The following PTPRN2 variants were observed in gnomAD, a reference collection of about 807,000 sequenced individuals.
The protein encoded by PTPRN2 is receptor-type tyrosine-protein phosphatase N2.
PTPRN2 carries 74 observed loss-of-function variants against 118.8 expected under a neutral mutation model. That is an observed-to-expected ratio of 0.62 (90% CI 0.52 to 0.76). PTPRN2 has a LOEUF of 0.76. Among genes scored for constraint, PTPRN2 ranks in the 30% least tolerant of loss-of-function variants. The pLI is 0.00. For synonymous variants in PTPRN2, 641 were observed against 608.0 expected (o/e 1.05, Z -0.80); for missense variants, 1,481 against 1,394.4 (o/e 1.06, Z -0.99).
chr7:157,630,474 G>A (rs1468189522), intron 14 of PTPRN2, among the ~76,000 whole-genome samples: 3 of 152,146 alleles, frequency 2.0e-5, no homozygotes, highest in East Asian at 1.9e-4. Context: ...GGAGTGAACC[G>A]GCTTCTTCAC....
chr7:158,415,477 C>T (rs1170242624), intron 2 of PTPRN2, among the ~76,000 whole-genome samples: 3 of 152,184 alleles, frequency 2.0e-5, no homozygotes, highest in African/African-American at 4.8e-5. Context: ...GGTGCCTGGG[C>T]CCCACCTCCA....
At position 157,733,351 on chromosome 7, in the gene PTPRN2, C is replaced by G. The variant is rs1242263600; in HGVS notation, c.1789-50414G>C. Among the ~76,000 whole-genome samples the G allele has an allele frequency of 5.8e-5, 4 of 69,500 alleles. 2 individuals are homozygous for G. The highest frequency in any genetic ancestry group is 1.4e-4 in the African/African-American group (2 of 13,990). 45.6% of individuals were successfully genotyped at this position (69,500 alleles called of 152,430 possible). ...AGTTACTCTTTTCCGTCCCATGCGC[C>G]CAGCACAGTTACTCTTTTCCGTCCC... On this transcript the variant is annotated intron_variant, in intron 12 of 22. Transcript: ENST00000389418.
chr7:157,942,898 G>A (rs1325855014), intron 11 of PTPRN2, among the ~76,000 whole-genome samples: 2 of 152,126 alleles, frequency 1.3e-5, no homozygotes, highest in East Asian at 3.9e-4. Context: ...TGGCCTAACT[G>A]GGCCCTGGGT....
chr7:157,994,512 AGC>A (rs1804506002), intron 11 of PTPRN2, among the ~76,000 whole-genome samples: 3 of 150,260 alleles, frequency 2.0e-5, no homozygotes, highest in Admixed American at 6.6e-5. Context: ...TCCTAAAATC[AGC>A]ACCGCATCCC....
At chr7:158,132,800 C>T (rs1054390745) in intron 9 of PTPRN2, among the ~76,000 whole-genome samples, 6 of 151,680 alleles carry the variant, frequency 4.0e-5, no homozygotes, top group African/African-American at 1.2e-4. Context: ...CACACACATG[C>T]GTATGCAGAT....
chr7:158,458,089 G>A (rs1338452571), intron 2 of PTPRN2, among the ~76,000 whole-genome samples: 1 of 152,138 alleles, frequency 6.6e-6, no homozygotes, highest in Non-Finnish European at 1.5e-5. Context: ...CAGTGCCCAG[G>A]GTTCCATTAT....
intron 2 of PTPRN2, among the ~76,000 whole-genome samples, chr7:158,323,385 C>G (rs1174156662): frequency 6.6e-6 from 1 of 152,180 alleles, no homozygotes; most frequent in Non-Finnish European, 1.5e-5. Flanking sequence ...ACTGTGCAGA[C>G]AGAAGGCTGG....
intron 10 of PTPRN2, among the ~76,000 whole-genome samples, chr7:158,100,067 T>C (rs1156895368): frequency 6.6e-6 from 1 of 151,964 alleles, no homozygotes; most frequent in Non-Finnish European, 1.5e-5. Flanking sequence ...AAAGTCCTTA[T>C]GTCATTCTTA....
chr7:157,638,833 T>A (rs950518908), intron 14 of PTPRN2, among the ~76,000 whole-genome samples: 1 of 152,150 alleles, frequency 6.6e-6, no homozygotes, highest in Admixed American at 6.5e-5. Flanking sequence ...CCTAAGGCCA[T>A]CAGCATTAGC....
At chr7:157,933,638 G>C (rs1799524829) in intron 11 of PTPRN2, among the ~76,000 whole-genome samples, 1 of 151,080 alleles carries the variant, frequency 6.6e-6, no homozygotes, top group South Asian at 2.1e-4. Context: ...CTGATTGACA[G>C]TTTTAGAGGA....
intron 2 of PTPRN2, among the ~76,000 whole-genome samples, chr7:158,446,358 C>T (rs1427191501): frequency 6.6e-6 from 1 of 152,246 alleles, no homozygotes; most frequent in Non-Finnish European, 1.5e-5. Flanking sequence ...ATTCCCAGGC[C>T]AGTATGAGGT....
chr7:158,205,341 TCA>T (rs1388791192), intron 3 of PTPRN2, 68 bp from the exon 4 acceptor site: 33 of 1,148,944 alleles, frequency 2.9e-5, no homozygotes, highest in Non-Finnish European at 3.8e-5. Flanking sequence ...TGCTTCAGTC[TCA>T]CAATTAGTTG....
rs187632011 is a variant in PTPRN2 at position 157,827,701 on chromosome 7, T to C, written c.1788+70972A>G. Among the ~76,000 whole-genome samples, 524 of 152,158 alleles carry C rather than the reference T, an allele frequency of 3.4e-3. 2 individuals carry two copies. Among genetic ancestry groups the C allele is most frequent in the Non-Finnish European group, 5.4e-3 (367 of 68,020 alleles). ...CCTTGAGCGAGGACTGAGGACCAGG[T>C]GCTGGGGTGCCTTGGAGGAGGGCGG... is the stretch of plus-strand genomic sequence containing the variant. On this transcript the variant is annotated intron_variant, in intron 12 of 22. Transcript: ENST00000389418.
chr7:157,658,200 T>C (rs1042209823), intron 13 of PTPRN2, among the ~76,000 whole-genome samples: 8 of 152,116 alleles, frequency 5.3e-5, no homozygotes, highest in African/African-American at 1.9e-4. Context: ...CGGGGGCGGT[T>C]TGCACTGTGG....
intron 2 of PTPRN2, among the ~76,000 whole-genome samples, chr7:158,407,245 C>T (rs1813603501): frequency 1.6e-5 from 1 of 62,290 alleles, no homozygotes; most frequent in Non-Finnish European, 3.3e-5. Flanking sequence ...GGTCCTGGGT[C>T]CTGCGTCCTG....
rs1029613749 is a variant in PTPRN2 at position 158,273,431 on chromosome 7, C to T, written c.277+43388G>A. ...AGCCGCAGACAGACGCGGGAGGAGC[C>T]GCAGACAGACGCGGGAGGAGCCGCA... On this transcript the variant is annotated intron_variant, in intron 3 of 22. Transcript: ENST00000389418. Among the ~76,000 whole-genome samples the T allele has an allele frequency of 1.3e-4, 19 of 147,214 alleles. 1 individual carries two copies. The highest frequency in any genetic ancestry group is 1.3e-3 in the South Asian group (6 of 4,672).
Position 157,725,353 on chromosome 7 carries a change from A to ATG in PTPRN2, c.1789-42417_1789-42416insCA, listed in dbSNP as rs1563042163. Among the ~76,000 whole-genome samples, 126 of 23,810 alleles carry ATG rather than the reference A, an allele frequency of 5.3e-3. 13 individuals carry two copies. Among genetic ancestry groups the ATG allele is most frequent in the African/African-American group, 0.026 (98 of 3,708 alleles). 15.6% of individuals were successfully genotyped at this position (23,810 alleles called of 152,430 possible). On this transcript the variant is annotated intron_variant, in intron 12 of 22. Coordinates refer to ENST00000389418, the MANE Select transcript of PTPRN2 (RefSeq NM_002847.5). ...TCCCAGGAGAACTGGATATCTACAC[A>ATG]CAGAGGAGTGTGGCCAGACCCTCGC...
chr7:158,520,915 C>A (rs764755722), intron 1 of PTPRN2, among the ~76,000 whole-genome samples: 2 of 152,158 alleles, frequency 1.3e-5, no homozygotes, highest in African/African-American at 2.4e-5. Context: ...CATGGATACG[C>A]TGGGCAAACC....
At chr7:158,240,511 C>A (rs955397395) in intron 3 of PTPRN2, among the ~76,000 whole-genome samples, 1 of 152,192 alleles carries the variant, frequency 6.6e-6, no homozygotes, top group African/African-American at 2.4e-5. Context: ...TCAGTGCAAC[C>A]ACTGCCTCCT....
Sources: gnomAD v4.1 joint callset for allele counts (sites outside exome capture counted in the v4.1 genomes callset) on GRCh38, gnomAD v4.1.1 for gene constraint, MANE v1.5 for transcripts, NCBI Gene and HGNC (gene_info 2026-07-23, HGNC 2026-07-21) for gene names.